NFIA: variants seen among roughly 807,000 people sequenced by gnomAD.
NFIA encodes nuclear factor 1 A-type.
Under a neutral mutation model 62.8 loss-of-function variants are expected in NFIA, and 8 were observed. The ratio of observed to expected loss-of-function variants is 0.13; its 90% CI spans 0.07 to 0.23. The LOEUF (loss-of-function observed/expected upper bound fraction) is 0.23, where lower values mean the gene tolerates loss of function less well. Among genes scored for constraint, NFIA ranks in the 10% least tolerant of loss-of-function variants. The pLI is 1.00. For synonymous variants in NFIA, 235 were observed against 238.1 expected (o/e 0.99, Z 0.12); for missense variants, 410 against 642.1 (o/e 0.64, Z 3.91).
At chr1:61,112,702 T>C (rs1646720244) in intron 2 of NFIA, among the ~76,000 whole-genome samples, 1 of 152,240 alleles carries the variant, frequency 6.6e-6, no homozygotes, top group African/African-American at 2.4e-5. Context: ...TTTAATAAAC[T>C]ATCTTCTTTA....
chr1:61,096,227 G>T (rs1159946746), intron 2 of NFIA, among the ~76,000 whole-genome samples: 1 of 152,016 alleles, frequency 6.6e-6, no homozygotes, highest in African/African-American at 2.4e-5. Flanking sequence ...TGTTGTTGTT[G>T]TTTGAGACGG....
chr1:61,359,635 C>T (rs1663174819), intron 6 of NFIA, among the ~76,000 whole-genome samples: 2 of 152,080 alleles, frequency 1.3e-5, no homozygotes, highest in Admixed American at 6.6e-5. Context: ...GGCTGGAGTA[C>T]AGTGGCATGA....
At chr1:61,200,035 TA>T (rs1652339650) in intron 2 of NFIA, among the ~76,000 whole-genome samples, 1 of 43,586 alleles carries the variant, frequency 2.3e-5, no homozygotes, top group Non-Finnish European at 3.8e-5. Context: ...TATATATATA[TA>T]TATATATATA....
chr1:61,379,000 T>C lies in NFIA; in HGVS notation c.947-4237T>C, dbSNP rs559218256. Among the ~76,000 whole-genome samples the C allele has an allele frequency of 1.1e-3, 166 of 152,336 alleles. 1 individual carries two copies. Among genetic ancestry groups the C allele is most frequent in the African/African-American group, 3.9e-3 (162 of 41,592 alleles). The stretch of plus-strand genomic sequence containing the variant: ...TAGGTCAGGCCCTCCAGGGATAATA[T>C]ATTTTTCCTTAACTCAAACTCACCT... On this transcript the variant is annotated intron_variant, in intron 6 of 10. Transcript: ENST00000403491.
intron 2 of NFIA, among the ~76,000 whole-genome samples, chr1:61,225,761 C>G (rs1278402539): frequency 6.6e-6 from 1 of 151,830 alleles, no homozygotes; most frequent in East Asian, 1.9e-4. Context: ...TGTATGGAGC[C>G]CTCATTAGTA....
rs538331471 is a variant in NFIA, at chr1:61,331,401, T to A, written c.626-1111T>A. 2.0e-5 allele frequency among the ~76,000 whole-genome samples: 3 copies of A among 152,354 alleles called. No homozygotes were observed. In the South Asian group the frequency reaches 6.2e-4, roughly 32 times the overall value. ...CATTTAGTAAATTTATTGGTGGATA[T>A]GCAGTGCCACAGGTAAATTTGCTTT... On this transcript the variant is annotated intron_variant, in intron 3 of 10. Transcript: ENST00000403491.
chr1:61,360,657 A>G (rs1335393561), intron 6 of NFIA, among the ~76,000 whole-genome samples: 1 of 152,154 alleles, frequency 6.6e-6, no homozygotes, highest in Admixed American at 6.5e-5. Flanking sequence ...TCAAAAGACA[A>G]TGCTCAGGGG....
chr1:61,228,499 G>A (rs1225216509), intron 2 of NFIA, among the ~76,000 whole-genome samples: 1 of 152,226 alleles, frequency 6.6e-6, no homozygotes, highest in Admixed American at 6.5e-5. Flanking sequence ...GAAATGGATG[G>A]TGTGGCTCAA....
At chr1:61,334,826 G>A (rs1661514008) in intron 4 of NFIA, among the ~76,000 whole-genome samples, 1 of 151,612 alleles carries the variant, frequency 6.6e-6, no homozygotes, top group Non-Finnish European at 1.5e-5. Flanking sequence ...GTATGAGAAG[G>A]CCCACACAGT....
chr1:61,100,312 G>A (rs1047878182), intron 2 of NFIA, among the ~76,000 whole-genome samples: 2 of 152,122 alleles, frequency 1.3e-5, no homozygotes, highest in Non-Finnish European at 2.9e-5. Flanking sequence ...GATGCTCTTT[G>A]GGTGGTGGTG....
intron 2 of NFIA, among the ~76,000 whole-genome samples, chr1:61,089,609 A>G (rs1415693518): frequency 6.6e-6 from 1 of 151,438 alleles, no homozygotes; most frequent in Non-Finnish European, 1.5e-5. Context: ...CCTTCATGGC[A>G]GTTACTTGAG....
At chr1:61,334,780 T>A (rs1661512813) in intron 4 of NFIA, among the ~76,000 whole-genome samples, 1 of 151,736 alleles carries the variant, frequency 6.6e-6, no homozygotes, top group African/African-American at 2.4e-5. Context: ...TTACATTTAG[T>A]CCTCATTACC....
chr1:61,232,192 A>G (rs1198356691), intron 2 of NFIA, among the ~76,000 whole-genome samples: 1 of 152,198 alleles, frequency 6.6e-6, no homozygotes, highest in Non-Finnish European at 1.5e-5. Context: ...CGTTTGTAGA[A>G]GTAAATATTG....
chr1:61,166,109 A>C (rs552711776), intron 2 of NFIA, among the ~76,000 whole-genome samples: 206 of 152,306 alleles, frequency 1.4e-3, no homozygotes, highest in South Asian at 5.4e-3. Flanking sequence ...AATCTACTTT[A>C]TAGTAGGATT....
chr1:61,185,313 A>G (rs530002963), intron 2 of NFIA, among the ~76,000 whole-genome samples: 1 of 152,324 alleles, frequency 6.6e-6, no homozygotes, highest in East Asian at 1.9e-4. Context: ...AACAACTGGA[A>G]TAAGTATAAA....
At chr1:61,096,160 A>G (rs1378063314) in intron 2 of NFIA, among the ~76,000 whole-genome samples, 1 of 152,156 alleles carries the variant, frequency 6.6e-6, no homozygotes, top group African/African-American at 2.4e-5. Context: ...AAAATTGAAG[A>G]TGGACATGTT....
At chr1:61,146,114 C>G (rs1647919050) in intron 2 of NFIA, among the ~76,000 whole-genome samples, 1 of 152,172 alleles carries the variant, frequency 6.6e-6, no homozygotes, top group Non-Finnish European at 1.5e-5. Flanking sequence ...CTTCCAGCAT[C>G]TAGAGGCTGG....
upstream of NFIA, chr1:61,077,359 A>AGAGC (rs544510913): frequency 4.6e-3 from 1,702 of 366,534 alleles, 10 homozygotes; most frequent in Middle Eastern, 0.01. Flanking sequence ...AGAGAGAGTG[A>AGAGC]GAGCGAGCGA....
In NFIA at chr1:61,175,134, T is replaced by G. The variant is rs1051178309; in HGVS notation, c.559+86454T>G. ...ACTTAAACTTTTCTGTATTGATTAT[T>G]ATTATTATTATTATTATTATTTTTT... On this transcript the variant is annotated intron_variant, in intron 2 of 10. Transcript: ENST00000403491. Among the ~76,000 whole-genome samples the G allele has an allele frequency of 3.2e-5, 3 of 94,600 alleles. No homozygotes were observed. The South Asian group carries it at 1.3e-3, about 41-fold the overall frequency. 62.1% of individuals were successfully genotyped at this position (94,600 alleles called of 152,430 possible). A position where few individuals can be genotyped will look rare whatever the true frequency, so the allele number is the denominator to read the frequency against.
Sources: allele counts gnomAD v4.1 joint callset (sites outside exome capture counted in the v4.1 genomes callset), GRCh38; gene constraint gnomAD v4.1.1; transcripts MANE v1.5; gene names NCBI Gene and HGNC (gene_info 2026-07-23, HGNC 2026-07-21).